The following C10orf67 variants were observed in gnomAD, a reference collection of about 807,000 sequenced individuals.
C10orf67 encodes chromosome 10 open reading frame 67, also known as uncharacterized protein C10orf67, mitochondrial.
In C10orf67, 60 loss-of-function variants were observed where a neutral mutation model predicts 35.6. The ratio of observed to expected loss-of-function variants is 1.68; its 90% CI spans 1.37 to 2.09. The LOEUF (loss-of-function observed/expected upper bound fraction) is 2.09. Ranked by LOEUF, C10orf67 falls within the 30% of genes most tolerant of loss-of-function variation. The pLI, the probability that C10orf67 is intolerant of heterozygous loss-of-function variation, is 0.00. For synonymous variants in C10orf67, 167 were observed against 115.8 expected (o/e 1.44, Z -2.84); for missense variants, 474 against 330.2 (o/e 1.44, Z -3.38).
At chr10:23,261,664 A>G (rs1842754109) in intron 10 of C10orf67, among the ~76,000 whole-genome samples, 1 of 152,144 alleles carries the variant, frequency 6.6e-6, no homozygotes, top group Admixed American at 6.5e-5. Context: ...TTATTCCCTA[A>G]TTGAGCTGCA....
chr10:23,292,109 T>G (rs942857939), intron 5 of C10orf67, among the ~76,000 whole-genome samples: 2 of 150,800 alleles, frequency 1.3e-5, no homozygotes, highest in Non-Finnish European at 2.9e-5. Context: ...ATGTCCATTA[T>G]GGGAGAGCTT....
intron 12 of C10orf67, among the ~76,000 whole-genome samples, chr10:23,240,716 A>G (rs1248713886): frequency 6.6e-6 from 1 of 152,070 alleles, no homozygotes; most frequent in Non-Finnish European, 1.5e-5. Context: ...CACACAAAAG[A>G]CTCTTTGAAG....
chr10:23,210,554 G>A (rs1178148236), intron 15 of C10orf67, among the ~76,000 whole-genome samples: 1 of 151,984 alleles, frequency 6.6e-6, no homozygotes, highest in Admixed American at 6.6e-5. Context: ...CAAGTAGCTG[G>A]GACCACAAAT....
intron 4 of C10orf67, among the ~76,000 whole-genome samples, chr10:23,313,534 G>C (rs1452188889): frequency 6.6e-6 from 1 of 152,228 alleles, no homozygotes; most frequent in Non-Finnish European, 1.5e-5. Flanking sequence ...ATACAAAGAT[G>C]AGTAAGACTC....
chr10:23,301,941 G>A (rs554861337), intron 5 of C10orf67, among the ~76,000 whole-genome samples: 146 of 152,328 alleles, frequency 9.6e-4, no homozygotes, highest in Non-Finnish European at 1.8e-3. Context: ...TGGGCGCCCC[G>A]CTGGATCAGG....
intron 2 of C10orf67, among the ~76,000 whole-genome samples, chr10:23,326,740 C>T (rs993076896): frequency 1.3e-5 from 2 of 152,024 alleles, no homozygotes; most frequent in African/African-American, 4.8e-5. Flanking sequence ...AAGGTTATTG[C>T]GTTTTACATG....
chr10:23,344,769 G>A lies in C10orf67; in HGVS notation c.6C>T (p.Ala2=). M[A]LVRDRRAHYV... is the part of the protein sequence containing the mutation. ...AATGAGCCCTGCGATCCCGGACCAA[G>A]GCCATCATAAGAGGAGAGCAGGCTG... is the stretch of plus-strand genomic sequence containing the variant. Residue 2 remains alanine, a synonymous_variant, in exon 1 of 16, where the codon GCC becomes GCT. Transcript: ENST00000636213. 6.4e-7 allele frequency: 1 copy of A among 1,560,336 alleles called. No individual in the cohort carries two copies. Among genetic ancestry groups the A allele is most frequent in the Non-Finnish European group, 8.7e-7 (1 of 1,152,370 alleles).
intron 13 of C10orf67, among the ~76,000 whole-genome samples, chr10:23,225,647 T>G (rs139388234): frequency 6.6e-6 from 1 of 152,052 alleles, no homozygotes; most frequent in African/African-American, 2.4e-5. Flanking sequence ...GAGACACACA[T>G]AGGCTCAAAA....
chr10:23,277,014 G>A (rs921375428), intron 8 of C10orf67, among the ~76,000 whole-genome samples: 1 of 152,052 alleles, frequency 6.6e-6, no homozygotes, highest in African/African-American at 2.4e-5. Flanking sequence ...CTTATTATAT[G>A]AGGCAGCAGA....
chr10:23,227,829 C>A (rs1414203446), intron 13 of C10orf67, among the ~76,000 whole-genome samples: 2 of 152,074 alleles, frequency 1.3e-5, no homozygotes. Context: ...GAGTGAACTC[C>A]CATTCATAAT....
intron 8 of C10orf67, among the ~76,000 whole-genome samples, chr10:23,277,568 T>A (rs111819343): frequency 6.4e-5 from 9 of 139,992 alleles, no homozygotes; most frequent in East Asian, 2.2e-4. Flanking sequence ...AAAAAAAAAA[T>A]AATAACACAC....
chr10:23,323,952 T>TACACACAC (rs747699026), intron 2 of C10orf67, among the ~76,000 whole-genome samples: 1,724 of 64,376 alleles, frequency 0.027, 233 homozygotes, highest in Non-Finnish European at 0.038. Context: ...TATATATATA[T>TACACACAC]ACACACACAC....
chr10:23,253,462 A>G (rs1842515712), intron 10 of C10orf67, among the ~76,000 whole-genome samples: 1 of 152,156 alleles, frequency 6.6e-6, no homozygotes, highest in Admixed American at 6.5e-5. Context: ...GTCCAAGGAA[A>G]TCACCAGGGG....
chr10:23,213,406 A>G (rs1163110090), intron 15 of C10orf67, among the ~76,000 whole-genome samples: 1 of 152,204 alleles, frequency 6.6e-6, no homozygotes, highest in Non-Finnish European at 1.5e-5. Flanking sequence ...AATACATTGA[A>G]CACCATAAAG....
chr10:23,249,314 T>C (rs1842391876), intron 12 of C10orf67, among the ~76,000 whole-genome samples: 1 of 152,108 alleles, frequency 6.6e-6, no homozygotes, highest in South Asian at 2.1e-4. Context: ...CAAAACCTAT[T>C]TGCAGGGAAA....
rs560655016 is a variant in C10orf67 at position 23,328,719 on chromosome 10, C to T, written c.327+4343G>A. ...AAAAAAAAAGCCAGGCACAGTGGCT[C>T]ACACCTGTAATCCTAACATTTTGAG... On this transcript the variant is annotated intron_variant, in intron 2 of 15. Transcript: ENST00000636213. Among the ~76,000 whole-genome samples, 14 of 149,594 alleles carry T rather than the reference C, an allele frequency of 9.4e-5. No homozygotes were observed. The East Asian group carries it at 2.6e-3, about 27-fold the overall frequency.
At chr10:23,336,442 G>C (rs1418707325) in intron 1 of C10orf67, among the ~76,000 whole-genome samples, 1 of 152,154 alleles carries the variant, frequency 6.6e-6, no homozygotes, top group Non-Finnish European at 1.5e-5. Context: ...AGAGGGCCTA[G>C]AAGAATGGCA....
chr10:23,294,270 G>T (rs1843812202), intron 5 of C10orf67, among the ~76,000 whole-genome samples: 1 of 152,106 alleles, frequency 6.6e-6, no homozygotes, highest in Non-Finnish European at 1.5e-5. Context: ...TGGAAGGTAG[G>T]TGGGTGATGG....
chr10:23,238,297 C>A (rs1842096935), intron 13 of C10orf67, among the ~76,000 whole-genome samples: 1 of 152,196 alleles, frequency 6.6e-6, no homozygotes, highest in Non-Finnish European at 1.5e-5. Flanking sequence ...CTTTCTCTCC[C>A]CTTCCCCATC....
Sources: gnomAD v4.1 joint callset for allele counts (sites outside exome capture counted in the v4.1 genomes callset) on GRCh38, gnomAD v4.1.1 for gene constraint, MANE v1.5 for transcripts, NCBI Gene and HGNC (gene_info 2026-07-23, HGNC 2026-07-21) for gene names.